HOOK3: variants seen among roughly 807,000 people sequenced by gnomAD.
HOOK3 encodes protein Hook homolog 3.
A neutral mutation model predicts 116.3 loss-of-function variants in HOOK3; 24 were observed. The observed-to-expected ratio is 0.21, with a 90% CI of 0.15 to 0.29. The LOEUF (loss-of-function observed/expected upper bound fraction) is 0.29, where lower values mean the gene tolerates loss of function less well. Ranked by LOEUF, HOOK3 falls within the 10% of genes least tolerant of loss-of-function variation. HOOK3 has a pLI of 1.00. For synonymous variants in HOOK3, 275 were observed against 283.0 expected (o/e 0.97, Z 0.28); for missense variants, 632 against 830.2 (o/e 0.76, Z 2.93).
chr8:42,935,113 G>C (rs2130371337), intron 4 of HOOK3, among the ~76,000 whole-genome samples: 2 of 152,198 alleles, frequency 1.3e-5, no homozygotes, highest in Middle Eastern at 3.4e-3. Context: ...ATCTCATTGT[G>C]GTTTTGATTT....
intron 2 of HOOK3, among the ~76,000 whole-genome samples, chr8:42,924,964 G>A (rs1162187061): frequency 6.6e-6 from 1 of 151,554 alleles, no homozygotes; most frequent in Non-Finnish European, 1.5e-5. Flanking sequence ...GTGACGGAGC[G>A]AGACTCTGTC....
intron 4 of HOOK3, among the ~76,000 whole-genome samples, chr8:42,938,982 A>G (rs1808034060): frequency 1.3e-5 from 2 of 152,126 alleles, no homozygotes; most frequent in Admixed American, 1.3e-4. Context: ...CCCTTAATCC[A>G]TTTAACCCTG....
At chr8:42,958,596 G>GTTTTTTTTTT (rs71550434) in intron 7 of HOOK3, among the ~76,000 whole-genome samples, 11 of 106,358 alleles carry the variant, frequency 1.0e-4, no homozygotes, top group East Asian at 2.8e-4. Flanking sequence ...GTTTTTGATA[G>GTTTTTTTTTT]TTTTTTTTTT....
At position 43,030,438 on chromosome 8, in the gene HOOK3, G is replaced by A. The variant is rs1810010001; in HGVS notation, c.*11940G>A. On this transcript the variant is annotated 3_prime_UTR_variant, in exon 22 of 22. Transcript: ENST00000307602. ...ATATGAAGAATAAAGTTAAGATTTGGTCAAACTATATTTTCCCATTCAAGT... is the reference window on the plus strand; with the variant it reads ...ATATGAAGAATAAAGTTAAGATTTGATCAAACTATATTTTCCCATTCAAGT... 1 of 177,748 alleles carries A rather than the reference G, an allele frequency of 5.6e-6. No individual in the cohort carries two copies. Among genetic ancestry groups the A allele is most frequent in the Non-Finnish European group, 1.2e-5 (1 of 82,824 alleles). The allele number at this position is 177,748 out of a possible 1,614,324, so 11.0% of individuals were successfully genotyped here.
chr8:42,976,468 C>T (rs1171352587), intron 13 of HOOK3, among the ~76,000 whole-genome samples: 1 of 152,106 alleles, frequency 6.6e-6, no homozygotes, highest in Admixed American at 6.6e-5. Flanking sequence ...TGAGGTCGCA[C>T]TACTGCATTC....
chr8:42,995,526 G>T (rs545008129), intron 15 of HOOK3, among the ~76,000 whole-genome samples: 5 of 151,914 alleles, frequency 3.3e-5, no homozygotes, highest in East Asian at 3.9e-4. Flanking sequence ...TGATTGATCC[G>T]CCATGGGCCT....
intron 4 of HOOK3, among the ~76,000 whole-genome samples, chr8:42,930,731 G>C (rs1306182040): frequency 1.3e-5 from 2 of 152,122 alleles, no homozygotes; most frequent in African/African-American, 4.8e-5. Flanking sequence ...CCGTAGCACT[G>C]ATCTTCCCCA....
rs572799753 is a variant in HOOK3, at chr8:42,995,813, G to T, written c.1533-1737G>T. Among the ~76,000 whole-genome samples, 5 of 152,236 alleles carry T rather than the reference G, an allele frequency of 3.3e-5. No homozygotes were observed. The East Asian group carries it at 9.7e-4, about 29-fold the overall frequency. ...CTTATATTCTTTTGCCTTTTCTCAA[G>T]ATAGTTCGTCTGTCCCTTTCTATTT... On this transcript the variant is annotated intron_variant, in intron 15 of 21. Coordinates refer to ENST00000307602, the MANE Select transcript of HOOK3 (RefSeq NM_032410.4).
intron 4 of HOOK3, among the ~76,000 whole-genome samples, chr8:42,939,566 G>C (rs544617248): frequency 4.9e-5 from 7 of 143,626 alleles, no homozygotes; most frequent in East Asian, 2.0e-4. Context: ...CTGGCCGAGC[G>C]GGGGGCTGAC....
intron 21 of HOOK3, among the ~76,000 whole-genome samples, chr8:43,015,999 G>A (rs1198367114): frequency 6.6e-6 from 1 of 151,812 alleles, no homozygotes; most frequent in African/African-American, 2.4e-5. Flanking sequence ...ACAGGCATGA[G>A]CCACCCCACC....
chr8:42,904,522 A>G (rs893950109), intron 1 of HOOK3, among the ~76,000 whole-genome samples: 25 of 151,986 alleles, frequency 1.6e-4, no homozygotes, highest in African/African-American at 5.3e-4. Context: ...TGTGTTAGTC[A>G]GGATGGTTCT....
At chr8:42,964,959 A>G (rs1808606582) in intron 9 of HOOK3, among the ~76,000 whole-genome samples, 1 of 152,280 alleles carries the variant, frequency 6.6e-6, no homozygotes, top group Non-Finnish European at 1.5e-5. Flanking sequence ...GTGTTCTATC[A>G]GAGCGCCACC....
rs894776221 is a variant in HOOK3, at chr8:42,968,138, A to G, written c.1046A>G (p.Gln349Arg). The G allele has an allele frequency of 3.1e-6, 5 of 1,613,674 alleles. No homozygotes were observed. In the Admixed American group the frequency reaches 5.0e-5, roughly 16 times the overall value. The change falls in exon 11 of 22, where the codon CAG (glutamine) becomes CGG (arginine). Residue 349 changes from glutamine to arginine, a missense_variant. Coordinates refer to ENST00000307602, the MANE Select transcript of HOOK3 (RefSeq NM_032410.4). ...LLEEKNTMYMQNTVSLEEELR... is the reference protein window; with the variant it reads ...LLEEKNTMYMRNTVSLEEELR... ...GAAGAGAAGAATACCATGTATATGCAGAATACTGTCAGTCTAGAGGAAGAG... is the reference window on the plus strand; with the variant it reads ...GAAGAGAAGAATACCATGTATATGCGGAATACTGTCAGTCTAGAGGAAGAG...
At chr8:42,950,808 C>G (rs959481191) in intron 6 of HOOK3, among the ~76,000 whole-genome samples, 1 of 151,998 alleles carries the variant, frequency 6.6e-6, no homozygotes, top group East Asian at 1.9e-4. Context: ...GCCTCACTCT[C>G]CCGAATAGCT....
In HOOK3 at chr8:42,996,818, A is replaced by G. The variant is rs547752438; in HGVS notation, c.1533-732A>G. 5.3e-5 allele frequency among the ~76,000 whole-genome samples: 8 copies of G among 150,780 alleles called. No homozygotes were observed. The South Asian group carries it at 1.5e-3, about 28-fold the overall frequency. On this transcript the variant is annotated intron_variant, in intron 15 of 21. Transcript: ENST00000307602. ...TATATGCATCTATGTACTACTTTGA[A>G]GTTTTTATCTGATTGTATTTTATTT...
chr8:42,989,277 A>G (rs1316011007), intron 15 of HOOK3, among the ~76,000 whole-genome samples: 2 of 152,212 alleles, frequency 1.3e-5, no homozygotes, highest in Non-Finnish European at 2.9e-5. Context: ...ATATTCAGCA[A>G]TTAGACTTTG....
In HOOK3 at chr8:42,897,157, G is replaced by T; in HGVS notation, c.26G>T (p.Arg9Leu). The change falls in exon 1 of 22, where the codon CGG becomes CTG. Residue 9 changes from arginine to leucine, a missense_variant. Arg to Leu is a moderately radical substitution (Grantham distance 102). This residue lies in a region of HOOK3 where 141 missense variants were observed against 150.8 expected (regional missense o/e 0.93). Transcript: ENST00000307602. ...ATGTTCAGCGTAGAGTCGCTGGAGC[G>T]GGCGGAGCTGTGCGAGAGCCTCCTC... is the stretch of plus-strand genomic sequence containing the variant. MFSVESLERAELCESLLTW... is the reference protein window; with the variant it reads MFSVESLELAELCESLLTW... 1 of 1,249,030 alleles carries T rather than the reference G, an allele frequency of 8.0e-7. No homozygotes were observed. The highest frequency in any genetic ancestry group is 1.0e-6 in the Non-Finnish European group (1 of 991,382). The allele number at this position is 1,249,030 out of a possible 1,614,324, so 77.4% of individuals were successfully genotyped here.
intron 16 of HOOK3, chr8:43,000,135 G>A (rs1178173020): frequency 1.8e-5 from 9 of 508,176 alleles, no homozygotes; most frequent in East Asian, 1.4e-4. Flanking sequence ...GCAACAGAGC[G>A]AGACTCCGTC....
intron 15 of HOOK3, among the ~76,000 whole-genome samples, chr8:42,997,293 A>G (rs1016705677): frequency 1.3e-5 from 2 of 152,228 alleles, no homozygotes; most frequent in Non-Finnish European, 2.9e-5. Flanking sequence ...AGAAATTAAT[A>G]TGCATAAGTA....
Sources: gnomAD v4.1 joint callset for allele counts (sites outside exome capture counted in the v4.1 genomes callset) on GRCh38, gnomAD v4.1.1 for gene constraint, gnomAD v4.1.1 regional missense constraint, MANE v1.5 for transcripts, NCBI Gene and HGNC (gene_info 2026-07-23, HGNC 2026-07-21) for gene names.